The following TUBA3C variants were observed in gnomAD, a reference collection of about 807,000 sequenced individuals.
TUBA3C encodes the protein tubulin alpha 3c.
Under a neutral mutation model 33.4 loss-of-function variants are expected in TUBA3C, and 23 were observed. The ratio of observed to expected loss-of-function variants is 0.69; its 90% CI spans 0.50 to 0.98. The LOEUF (loss-of-function observed/expected upper bound fraction) is 0.98, where lower values mean the gene tolerates loss of function less well. Ranked by LOEUF, TUBA3C falls within the 50% of genes least tolerant of loss-of-function variation. The probability of loss-of-function intolerance (pLI) is 0.00; values close to 1 mark genes in which losing one functional copy is unlikely to be tolerated. For missense variants in TUBA3C, 402 were observed against 616.0 expected, an observed-to-expected ratio of 0.65 and a Z score of 3.68; for synonymous variants, 269 against 250.4, an observed-to-expected ratio of 1.07 and a Z score of -0.70.
At position 19,179,340 on chromosome 13, in the gene TUBA3C, C is replaced by T. The variant is rs1369632365; in HGVS notation, c.226+1G>A. ...CTGCCATCCAGGACCCGAGCACCTA[C>T]CGACCACAGTGGGCTCCAGGTCCAC... On this transcript the variant is annotated splice_donor_variant, in intron 2 of 4. Transcript: ENST00000400113. LOFTEE classifies it high-confidence loss of function. 2.5e-6 allele frequency: 4 copies of T among 1,613,858 alleles called. No homozygotes were observed. The highest frequency in any genetic ancestry group is 3.4e-6 in the Non-Finnish European group (4 of 1,179,858).
intron 3 of TUBA3C, among the ~76,000 whole-genome samples, 155 bp downstream of exon 3, chr13:19,178,091 C>A (rs1869265827): frequency 6.6e-6 from 1 of 152,122 alleles, no homozygotes; most frequent in Non-Finnish European, 1.5e-5. Flanking sequence ...AGGTGACTGC[C>A]CACCTTGGCC....
Position 19,177,701 on chromosome 13 carries a change from G to C in TUBA3C, c.376-94C>G, listed in dbSNP as rs1869250142. The C allele has an allele frequency of 1.4e-6, 2 of 1,442,954 alleles. No individual in the cohort carries two copies. The highest frequency in any genetic ancestry group is 2.8e-5 in the South Asian group (2 of 70,486). The allele number at this position is 1,442,954 out of a possible 1,614,324, so 89.4% of individuals were successfully genotyped here. On this transcript the variant is annotated intron_variant, in intron 3 of 4. Coordinates refer to ENST00000400113, the MANE Select transcript of TUBA3C (RefSeq NM_006001.3). The surrounding 1 kb of genome is among the most constrained non-coding windows in gnomAD (Gnocchi z 5.0). ...GCCACTTCTCTGCCTCTGAAGACTT[G>C]ATATGGATTCCAATCATCCATAATA...
chr13:19,177,286 G>A lies in TUBA3C; in HGVS notation c.697C>T (p.Gln233Ter). ...TYTNLNRLIGQIVSSITASLR... is the reference protein window; with the variant it reads ...TYTNLNRLIG Reference sequence around the variant, plus strand: ...GAGGCCGTGATGGAGGACACGATCTGCCCAATCAGGCGATTGAGGTTGGTG... The same window carrying A: ...GAGGCCGTGATGGAGGACACGATCTACCCAATCAGGCGATTGAGGTTGGTG... Residue 233 changes from glutamine (Q) to a stop codon, truncating the protein, a stop_gained, in exon 4 of 5, where the codon CAG becomes TAG. Transcript: ENST00000400113. LOFTEE classifies it high-confidence loss of function. This position sits in a 1 kb window ranked among gnomAD's most constrained non-coding sequence, Gnocchi z 5.0. 6.2e-7 allele frequency: 1 copy of A among 1,614,128 alleles called. No homozygotes were observed. Among genetic ancestry groups the A allele is most frequent in the Non-Finnish European group, 8.5e-7 (1 of 1,180,032 alleles).
In TUBA3C at chr13:19,177,340, G is replaced by C; in HGVS notation, c.643C>G (p.Arg215Gly). Residue 215 changes from arginine (R) to glycine (G), a missense_variant, in exon 4 of 5, where the codon CGC becomes GGC. Coordinates refer to ENST00000400113, the MANE Select transcript of TUBA3C (RefSeq NM_006001.3). The surrounding 1 kb of genome is among the most constrained non-coding windows in gnomAD (Gnocchi z 5.0). Reference sequence around the variant, plus strand: ...GTGGGACGCTCGATGTCCAGGTTGCGCCGACATATGTCATAGATGGCTTCA... The same window carrying C: ...GTGGGACGCTCGATGTCCAGGTTGCCCCGACATATGTCATAGATGGCTTCA... The part of the protein sequence containing the change: ...DNEAIYDICR[R>G]NLDIERPTYT... The C allele has an allele frequency of 6.2e-7, 1 of 1,614,106 alleles. No homozygotes were observed. The highest frequency in any genetic ancestry group is 8.5e-7 in the Non-Finnish European group (1 of 1,180,032).
intron 1 of TUBA3C, 52 bp from the exon 2 acceptor site, chr13:19,179,615 C>G (rs759954589): frequency 7.6e-6 from 12 of 1,573,034 alleles, no homozygotes; most frequent in Admixed American, 1.9e-5. Context: ...CAACTTGAAG[C>G]TATATGGTAT....
In TUBA3C at chr13:19,177,194, G is replaced by A; in HGVS notation, c.789C>T (p.Pro263=). ...AGGTGGCCAGGGGGAAGTGGATGCG[G>A]GGGTACGGCACTAGGTTGGTCTGGA... The part of the protein sequence containing the change: ...TEFQTNLVPY[P]RIHFPLATYA... Residue 263 remains proline, a synonymous_variant, in exon 4 of 5, where the codon CCC becomes CCT. Transcript: ENST00000400113. The surrounding 1 kb of genome is among the most constrained non-coding windows in gnomAD (Gnocchi z 5.0). 1.2e-6 allele frequency: 2 copies of A among 1,614,128 alleles called. No individual in the cohort carries two copies. Among genetic ancestry groups the A allele is most frequent in the South Asian group, 1.1e-5 (1 of 91,078 alleles).
intron 4 of TUBA3C, among the ~76,000 whole-genome samples, chr13:19,175,157 C>T (rs1020929452): frequency 1.2e-4 from 18 of 152,134 alleles, no homozygotes; most frequent in Admixed American, 4.6e-4. Flanking sequence ...GAGGCTGAGG[C>T]GGGAGAATGG....
intron 1 of TUBA3C, among the ~76,000 whole-genome samples, chr13:19,181,490 G>A (rs36214435): frequency 0.08 from 12,241 of 152,140 alleles, 606 homozygotes; most frequent in African/African-American, 0.13. Context: ...GACAGGACAC[G>A]GTCAATGCTC....
At chr13:19,174,252 G>T in intron 4 of TUBA3C, 93 bp from the exon 5 acceptor site, 1 of 1,473,486 alleles carries the variant, frequency 6.8e-7, no homozygotes, top group South Asian at 1.4e-5. Flanking sequence ...CCCTGTAGGT[G>T]AACAGGAGAA....
In TUBA3C at chr13:19,177,535, C is replaced by A. The variant is rs372020555; in HGVS notation, c.448G>T (p.Ala150Ser). ...SFGGGTGSGF[A>S]SLLMERLSVD... ...GAGAGCCGCTCCATGAGCAGAGATG[C>A]GAACCCAGAGCCAGTGCCACCCCCA... Residue 150 changes from alanine to serine, a missense_variant, in exon 4 of 5, where the codon GCA becomes TCA. Physicochemically the swap from Ala to Ser is moderately conservative, Grantham distance 99. Coordinates refer to ENST00000400113, the MANE Select transcript of TUBA3C (RefSeq NM_006001.3). The surrounding 1 kb of genome is among the most constrained non-coding windows in gnomAD (Gnocchi z 5.0). 113 of 1,613,506 alleles carry A rather than the reference C, an allele frequency of 7.0e-5. No individual in the cohort carries two copies. Among genetic ancestry groups the A allele is most frequent in the Non-Finnish European group, 6.7e-5 (79 of 1,179,818 alleles).
chr13:19,177,541 C>T lies in TUBA3C; in HGVS notation c.442G>A (p.Gly148Arg), dbSNP rs1262837051. The T allele has an allele frequency of 3.7e-6, 6 of 1,613,542 alleles. No individual in the cohort carries two copies. In the Middle Eastern group the frequency reaches 5.0e-4, roughly 133 times the overall value. The change falls in exon 4 of 5, where the codon GGG becomes AGG. Residue 148 changes from glycine to arginine, a missense_variant. Transcript: ENST00000400113. This position sits in a 1 kb window ranked among gnomAD's most constrained non-coding sequence, Gnocchi z 5.0. ...CGCTCCATGAGCAGAGATGCGAACC[C>T]AGAGCCAGTGCCACCCCCAAAACTG... ...FHSFGGGTGS[G>R]FASLLMERLS...
In TUBA3C at chr13:19,179,442, A is replaced by G. The variant is rs144766650; in HGVS notation, c.125T>C (p.Ile42Thr). The G allele has an allele frequency of 2.7e-5, 44 of 1,613,804 alleles. No homozygotes were observed. The highest frequency in any genetic ancestry group is 1.7e-4 in the Admixed American group (10 of 59,972). ...GTTGAAGGAGTCGTCCCCACCACCA[A>G]TGGTTTTATCACTTGGCATCTGACC... ...PDGQMPSDKTIGGGDDSFNTF... is the reference protein window; with the variant it reads ...PDGQMPSDKTTGGGDDSFNTF... Residue 42 changes from isoleucine to threonine, a missense_variant, in exon 2 of 5, where the codon ATT becomes ACT. Transcript: ENST00000400113.
intron 2 of TUBA3C, 30 bp from the exon 3 acceptor site, chr13:19,178,424 C>CT (rs768229502): frequency 1.9e-6 from 3 of 1,612,840 alleles, no homozygotes; most frequent in Non-Finnish European, 8.5e-7. Context: ...TACTGTGAAT[C>CT]TTTAAGGCCT....
chr13:19,174,079 G>A lies in TUBA3C; in HGVS notation c.1137C>T (p.Ser379=), dbSNP rs1869100166. 6.2e-7 allele frequency: 1 copy of A among 1,613,802 alleles called. No individual in the cohort carries two copies. The highest frequency in any genetic ancestry group is 1.3e-5 in the African/African-American group (1 of 74,884). Residue 379 remains serine (S), a synonymous_variant, in exon 5 of 5, where the codon AGC becomes AGT. Coordinates refer to ENST00000400113, the MANE Select transcript of TUBA3C (RefSeq NM_006001.3). ...AKVQRAVCML[S]NTTAIAEAWA... ...AGGCCTCCGCGATGGCCGTGGTGTT[G>A]CTCAGCATGCACACAGCCCGCTGCA...
In TUBA3C at chr13:19,178,266, G is replaced by T; in HGVS notation, c.355C>A (p.Leu119Met). ...CTTACCAGTTTGCGGATCCGGTCCA[G>T]GACCAGGTCGACGATCTCCTTGCCG... ...TIGKEIVDLV[L>M]DRIRKLADLC... The change falls in exon 3 of 5, where the codon CTG (leucine) becomes ATG (methionine). Residue 119 changes from leucine to methionine, a missense_variant. By Grantham distance (15) the Leu-to-Met change is conservative. Transcript: ENST00000400113. The T allele has an allele frequency of 6.2e-7, 1 of 1,614,206 alleles. No homozygotes were observed. The highest frequency in any genetic ancestry group is 1.3e-5 in the African/African-American group (1 of 75,046).
Position 19,177,846 on chromosome 13 carries a change from G to GTTTT in TUBA3C, c.376-243_376-240dup, listed in dbSNP as rs5802006. 1.6e-5 allele frequency among the ~76,000 whole-genome samples: 2 copies of GTTTT among 128,530 alleles called. No individual in the cohort carries two copies. The highest frequency in any genetic ancestry group is 1.7e-5 in the Non-Finnish European group (1 of 60,524). 84.3% of individuals were successfully genotyped at this position (128,530 alleles called of 152,430 possible). ...AGGACTCAAGATACTGTTCTAAGTT[G>GTTTT]TTTTTTTTTTTTTTTTTTTAGATAG... On this transcript the variant is annotated intron_variant, in intron 3 of 4. Transcript: ENST00000400113. This position sits in a 1 kb window ranked among gnomAD's most constrained non-coding sequence, Gnocchi z 5.0.
chr13:19,175,775 G>C (rs1181773031), intron 4 of TUBA3C, among the ~76,000 whole-genome samples: 1 of 152,094 alleles, frequency 6.6e-6, no homozygotes, highest in Non-Finnish European at 1.5e-5. Flanking sequence ...ACAGAGTCTT[G>C]TGCTGTCACC....
intron 2 of TUBA3C, 100 bp downstream of exon 2, chr13:19,179,241 T>C: frequency 6.5e-7 from 1 of 1,529,664 alleles, no homozygotes; most frequent in Non-Finnish European, 8.8e-7. Flanking sequence ...GTCTATCTCA[T>C]ACCTTCTGCA....
At position 19,177,095 on chromosome 13, in the gene TUBA3C, G is replaced by A. The variant is rs778833077; in HGVS notation, c.888C>T (p.Phe296=). 19 of 1,614,162 alleles carry A rather than the reference G, an allele frequency of 1.2e-5. No homozygotes were observed. Among genetic ancestry groups the A allele is most frequent in the Middle Eastern group, 3.3e-4 (2 of 6,060 alleles). Residue 296 remains phenylalanine (F), a synonymous_variant, in exon 4 of 5, where the codon TTC becomes TTT. Transcript: ENST00000400113. The surrounding 1 kb of genome is among the most constrained non-coding windows in gnomAD (Gnocchi z 5.0). The part of the protein sequence containing the change: ...LSVAEITNAC[F]EPANQMVKCD... ...ACTTGACCATCTGATTGGCTGGCTC[G>A]AAGCAGGCATTGGTGATCTCAGCCA...
Sources: gnomAD v4.1 joint callset for allele counts (sites outside exome capture counted in the v4.1 genomes callset) on GRCh38, gnomAD v4.1.1 for gene constraint, Gnocchi (gnomAD v3.1) non-coding constraint, MANE v1.5 for transcripts, NCBI Gene and HGNC (gene_info 2026-07-23, HGNC 2026-07-21) for gene names.